The following CSMD2 variants were observed in gnomAD, a reference collection of about 807,000 sequenced individuals.
The protein encoded by CSMD2 is CUB and Sushi multiple domains 2.
In CSMD2, 130 loss-of-function variants were observed where a neutral mutation model predicts 398.5. The ratio of observed to expected loss-of-function variants is 0.33; its 90% CI spans 0.28 to 0.38. CSMD2 has a LOEUF of 0.38. Ranked by LOEUF, CSMD2 falls within the 10% of genes least tolerant of loss-of-function variation. The pLI, the probability that CSMD2 is intolerant of heterozygous loss-of-function variation, is 1.00. For missense variants in CSMD2, 3,829 were observed against 4,764.9 expected (o/e 0.80, Z 5.78); for synonymous variants, 1,828 against 1,908.5 (o/e 0.96, Z 1.10).
chr1:33,602,008 A>C (rs1305118709), intron 43 of CSMD2, among the ~76,000 whole-genome samples: 2 of 152,180 alleles, frequency 1.3e-5, no homozygotes, highest in African/African-American at 4.8e-5. Flanking sequence ...CTCTTCCATT[A>C]GTCTGGGTGG....
intron 53 of CSMD2, among the ~76,000 whole-genome samples, chr1:33,565,626 C>T (rs1203386381): frequency 2.6e-5 from 4 of 151,952 alleles, no homozygotes; most frequent in South Asian, 2.1e-4. Flanking sequence ...TAAATGTATA[C>T]GAAGCTACTT....
chr1:34,091,629 A>C (rs1427278553), intron 1 of CSMD2, among the ~76,000 whole-genome samples: 1 of 151,642 alleles, frequency 6.6e-6, no homozygotes, highest in Non-Finnish European at 1.5e-5. Context: ...ATCTCTTAAC[A>C]CGAAGTATCC....
intron 3 of CSMD2, among the ~76,000 whole-genome samples, chr1:33,968,104 G>A (rs1004178816): frequency 7.2e-5 from 11 of 152,146 alleles, no homozygotes; most frequent in East Asian, 3.9e-4. Context: ...TGAGAAGCCC[G>A]ACCCATTTTC....
chr1:34,144,166 T>A lies in CSMD2; in HGVS notation c.187+20745A>T, dbSNP rs549249338. On this transcript the variant is annotated intron_variant, in intron 1 of 70. Coordinates refer to ENST00000373381, the MANE Select transcript of CSMD2 (RefSeq NM_001281956.2). ...CAGCTGAGTCCAAGGTGGGTGGGGC[T>A]CCTACCATTCCTCTTGATGGGGTGG... 6.6e-5 allele frequency among the ~76,000 whole-genome samples: 10 copies of A among 152,238 alleles called. No homozygotes were observed. The East Asian group carries it at 1.9e-3, about 29-fold the overall frequency.
At chr1:33,780,999 T>C (rs1039673412) in intron 12 of CSMD2, among the ~76,000 whole-genome samples, 12 of 152,130 alleles carry the variant, frequency 7.9e-5, no homozygotes, top group African/African-American at 2.6e-4. Flanking sequence ...GAGTGGTGAG[T>C]GATGCTGGTC....
At chr1:33,790,697 A>ATCTG (rs1654157657) in intron 11 of CSMD2, among the ~76,000 whole-genome samples, 1 of 130,502 alleles carries the variant, frequency 7.7e-6, no homozygotes, top group Non-Finnish European at 1.6e-5. Flanking sequence ...CTATCTATCT[A>ATCTG]TCTATCATCT....
In CSMD2 at chr1:34,157,418, T is replaced by C. The variant is rs76784851; in HGVS notation, c.187+7493A>G. On this transcript the variant is annotated intron_variant, in intron 1 of 70. Coordinates refer to ENST00000373381, the MANE Select transcript of CSMD2 (RefSeq NM_001281956.2). Reference sequence around the variant, plus strand: ...ATAATAACCCCATCTTATCTCCCAGTCTCTTGTTCCAACTCAACCAACCCA... The same window carrying C: ...ATAATAACCCCATCTTATCTCCCAGCCTCTTGTTCCAACTCAACCAACCCA... Among the ~76,000 whole-genome samples, 216 of 152,094 alleles carry C rather than the reference T, an allele frequency of 1.4e-3. 1 individual carries two copies. In the East Asian group the frequency reaches 0.017, roughly 12 times the overall value.
chr1:33,846,004 G>C (rs1164560831), intron 6 of CSMD2, among the ~76,000 whole-genome samples: 1 of 152,254 alleles, frequency 6.6e-6, no homozygotes, highest in Non-Finnish European at 1.5e-5. Context: ...AACAATTTGA[G>C]AGTGGTAATA....
chr1:34,106,721 C>T (rs1383619224), intron 1 of CSMD2, among the ~76,000 whole-genome samples: 1 of 152,164 alleles, frequency 6.6e-6, no homozygotes, highest in South Asian at 2.1e-4. Context: ...TCCTCTCAAG[C>T]TGGGGATGCA....
intron 5 of CSMD2, chr1:33,860,673 G>A (rs189430028): frequency 4.6e-5 from 7 of 152,282 alleles, no homozygotes; most frequent in Admixed American, 4.6e-4. Context: ...TGGTTGTAAT[G>A]AGCTAGACTT....
chr1:33,726,375 A>T (rs1318362014), intron 16 of CSMD2, among the ~76,000 whole-genome samples, 172 bp downstream of exon 16: 1 of 152,196 alleles, frequency 6.6e-6, no homozygotes, highest in Admixed American at 6.5e-5. Context: ...ACCAAGCCCA[A>T]GGGCAGAGCC....
At chr1:33,917,169 C>T (rs1055528875) in intron 5 of CSMD2, among the ~76,000 whole-genome samples, 1 of 152,186 alleles carries the variant, frequency 6.6e-6, no homozygotes, top group South Asian at 2.1e-4. Flanking sequence ...ACTGCGGCAC[C>T]CCCTGGTAGC....
In CSMD2 at chr1:33,614,523, T is replaced by A. The variant is rs1380874874; in HGVS notation, c.6114A>T (p.Ile2038=). 1.9e-6 allele frequency: 3 copies of A among 1,607,308 alleles called. No homozygotes were observed. In the Admixed American group the frequency reaches 5.0e-5, roughly 27 times the overall value. The change falls in exon 40 of 71, where the codon ATA becomes ATT. Residue 2038 remains isoleucine (I), a synonymous_variant. Coordinates refer to ENST00000373381, the MANE Select transcript of CSMD2 (RefSeq NM_001281956.2). ...ACTTACCAAAGCCCACGGGCAGTGC[T>A]ATTTTCCAGGAGCAGTCCATGTTAC... The part of the protein sequence containing the change: ...YPSNMDCSWK[I]ALPVGFGAHI...
At chr1:34,023,973 C>A (rs894202245) in intron 3 of CSMD2, among the ~76,000 whole-genome samples, 1 of 152,142 alleles carries the variant, frequency 6.6e-6, no homozygotes, top group African/African-American at 2.4e-5. Flanking sequence ...ACTCTTTAAT[C>A]CTCATTACAA....
At chr1:33,889,233 GA>G (rs1313916235) in intron 5 of CSMD2, among the ~76,000 whole-genome samples, 1 of 151,670 alleles carries the variant, frequency 6.6e-6, no homozygotes, top group Non-Finnish European at 1.5e-5. Context: ...AAATGAATAG[GA>G]AAAACAAACA....
At chr1:34,095,949 C>T (rs1365938383) in intron 1 of CSMD2, among the ~76,000 whole-genome samples, 1 of 152,086 alleles carries the variant, frequency 6.6e-6, no homozygotes, top group Non-Finnish European at 1.5e-5. Flanking sequence ...TGGGCAGAGA[C>T]ACAACCAAAA....
chr1:33,743,927 C>CGA (rs1284560769), intron 13 of CSMD2, among the ~76,000 whole-genome samples: 2 of 152,326 alleles, frequency 1.3e-5, no homozygotes, highest in Admixed American at 1.3e-4. Context: ...TCAATCCATC[C>CGA]AACTGTCTAT....
chr1:34,125,002 G>A (rs578146255), intron 1 of CSMD2, among the ~76,000 whole-genome samples: 1 of 152,280 alleles, frequency 6.6e-6, no homozygotes, highest in Admixed American at 6.5e-5. Flanking sequence ...CAATGGGAAT[G>A]AGTGTGTCAA....
chr1:33,999,106 C>A (rs1209486528), intron 3 of CSMD2, among the ~76,000 whole-genome samples: 6 of 152,188 alleles, frequency 3.9e-5, no homozygotes, highest in Admixed American at 3.9e-4. Flanking sequence ...CCCATTAAGG[C>A]CCCATAAGCC....
Sources: allele counts gnomAD v4.1 joint callset (sites outside exome capture counted in the v4.1 genomes callset), GRCh38; gene constraint gnomAD v4.1.1; transcripts MANE v1.5; gene names NCBI Gene and HGNC (gene_info 2026-07-23, HGNC 2026-07-21).